Variants in ATP6V1C2 observed in about 807,000 individuals in gnomAD.
ATP6V1C2 encodes ATPase H+ transporting V1 subunit C2.
A neutral mutation model predicts 56.8 loss-of-function variants in ATP6V1C2; 45 were observed. The ratio of observed to expected loss-of-function variants is 0.79; its 90% CI spans 0.62 to 1.02. The LOEUF (loss-of-function observed/expected upper bound fraction) is 1.02, where lower values mean the gene tolerates loss of function less well. ATP6V1C2 is among the 50% of genes least tolerant of loss of function. The pLI is 0.00. For synonymous variants in ATP6V1C2, 220 were observed against 201.3 expected, an observed-to-expected ratio of 1.09 and a Z score of -0.79; for missense variants, 463 against 519.7, an observed-to-expected ratio of 0.89 and a Z score of 1.06.
At chr2:10,747,018 C>G (rs1312626889) in intron 3 of ATP6V1C2, among the ~76,000 whole-genome samples, 1 of 152,182 alleles carries the variant, frequency 6.6e-6, no homozygotes, top group Non-Finnish European at 1.5e-5. Context: ...CCTGCAATCC[C>G]AGCGCTTTGG....
At chr2:10,726,899 C>T (rs1054190650) in intron 3 of ATP6V1C2, among the ~76,000 whole-genome samples, 3 of 152,132 alleles carry the variant, frequency 2.0e-5, no homozygotes, top group African/African-American at 7.2e-5. Context: ...GTAATAAATG[C>T]TCATAGCACA....
intron 3 of ATP6V1C2, among the ~76,000 whole-genome samples, chr2:10,748,050 A>G (rs1483682059): frequency 6.6e-6 from 1 of 152,044 alleles, no homozygotes; most frequent in African/African-American, 2.4e-5. Flanking sequence ...GGCATGCACC[A>G]CTACGCCCGG....
At chr2:10,769,966 G>C (rs1316590193) in intron 6 of ATP6V1C2, 1 of 152,208 alleles carries the variant, frequency 6.6e-6, no homozygotes, top group East Asian at 1.9e-4. Context: ...CCCCCTGATT[G>C]GCCCACTACT....
In ATP6V1C2 at chr2:10,773,359, GT is replaced by G. The variant is rs1399033383; in HGVS notation, c.638+753del. Among the ~76,000 whole-genome samples, 7 of 152,266 alleles carry G rather than the reference GT, an allele frequency of 4.6e-5. No homozygotes were observed. The East Asian group carries it at 1.4e-3, about 29-fold the overall frequency. ...TGGGCTTTCACCTGCTGGAACTTTGGTTTTGGGTGGCTGATCCAAAGCTGCG... is the reference window on the plus strand; with the variant it reads ...TGGGCTTTCACCTGCTGGAACTTTGGTTTGGGTGGCTGATCCAAAGCTGCG... On this transcript the variant is annotated intron_variant, in intron 8 of 13. Transcript: ENST00000272238.
rs1483048042 is a variant in ATP6V1C2, at chr2:10,775,037, T to C, written c.791T>C (p.Met264Thr). 2 of 1,613,942 alleles carry C rather than the reference T, an allele frequency of 1.2e-6. No individual in the cohort carries two copies. Among genetic ancestry groups the C allele is most frequent in the African/African-American group, 1.3e-5 (1 of 74,916 alleles). Residue 264 changes from methionine (M) to threonine (T), a missense_variant, in exon 10 of 14, where the codon ATG (methionine) becomes ACG (threonine). Transcript: ENST00000272238. ...EKEIEREREE[M>T]ARLLSDKKQQ... ...GAAATTGAAAGGGAAAGGGAGGAGA[T>C]GGCCAGATTGCTGTCTGATAAGAAG...
intron 13 of ATP6V1C2, among the ~76,000 whole-genome samples, chr2:10,782,709 T>C (rs1317566878): frequency 6.6e-6 from 1 of 151,934 alleles, no homozygotes; most frequent in Non-Finnish European, 1.5e-5. Context: ...TGTGTGCCTG[T>C]AGTCTCAGCT....
intron 2 of ATP6V1C2, among the ~76,000 whole-genome samples, chr2:10,723,950 T>C (rs1435993589): frequency 6.6e-6 from 1 of 151,584 alleles, no homozygotes; most frequent in Non-Finnish European, 1.5e-5. Flanking sequence ...TTAGTAGAGA[T>C]GGGGTTTCAC....
intron 4 of ATP6V1C2, among the ~76,000 whole-genome samples, chr2:10,761,128 G>T (rs1663881376): frequency 6.6e-6 from 1 of 152,182 alleles, no homozygotes; most frequent in Non-Finnish European, 1.5e-5. Flanking sequence ...GTTGGTCTTT[G>T]CCTGTCCTAC....
intron 3 of ATP6V1C2, among the ~76,000 whole-genome samples, chr2:10,751,087 G>A (rs969329970): frequency 5.9e-5 from 9 of 152,312 alleles, no homozygotes; most frequent in African/African-American, 2.2e-4. Context: ...ATAATTTGAG[G>A]AGAGGCTCAT....
chr2:10,748,962 C>T (rs570843182), intron 3 of ATP6V1C2, among the ~76,000 whole-genome samples: 1 of 151,686 alleles, frequency 6.6e-6, no homozygotes, highest in African/African-American at 2.4e-5. Context: ...CACCCTGTCT[C>T]TACTAAAAAT....
chr2:10,749,150 AGAAT>A (rs1663078497), intron 3 of ATP6V1C2, among the ~76,000 whole-genome samples: 1 of 138,070 alleles, frequency 7.2e-6, no homozygotes, highest in Admixed American at 7.4e-5. Flanking sequence ...AAAAAAAAAA[AGAAT>A]GGAGTCTTCA....
chr2:10,746,787 A>G, intron 3 of ATP6V1C2, among the ~76,000 whole-genome samples: 1 of 152,220 alleles, frequency 6.6e-6, no homozygotes, highest in Non-Finnish European at 1.5e-5. Flanking sequence ...AAATTCATGG[A>G]AATTGCAGGT....
intron 5 of ATP6V1C2, among the ~76,000 whole-genome samples, chr2:10,764,990 G>T (rs948252101): frequency 6.7e-6 from 1 of 149,514 alleles, no homozygotes; most frequent in Non-Finnish European, 1.5e-5. Flanking sequence ...AAAAAAAAAA[G>T]TTACTGATGG....
In ATP6V1C2 at chr2:10,729,343, T is replaced by C. The variant is rs527769902; in HGVS notation, c.197+2774T>C. On this transcript the variant is annotated intron_variant, in intron 3 of 13. Coordinates refer to ENST00000272238, the MANE Select transcript of ATP6V1C2 (RefSeq NM_001039362.2). ...CATGCCTAGCTAATTTTTGTATTTT[T>C]AGTAGAGACGGTGTTTCACCATGTC... Among the ~76,000 whole-genome samples, 3 of 152,098 alleles carry C rather than the reference T, an allele frequency of 2.0e-5. No homozygotes were observed. The South Asian group carries it at 6.2e-4, about 32-fold the overall frequency.
At chr2:10,735,523 G>T (rs1236972134) in intron 3 of ATP6V1C2, among the ~76,000 whole-genome samples, 1 of 151,958 alleles carries the variant, frequency 6.6e-6, no homozygotes, top group African/African-American at 2.4e-5. Context: ...TCTATGCACA[G>T]CTTTGGGCTG....
intron 3 of ATP6V1C2, among the ~76,000 whole-genome samples, chr2:10,732,987 G>A (rs903075312): frequency 3.3e-5 from 5 of 149,720 alleles, no homozygotes; most frequent in African/African-American, 1.2e-4. Context: ...AAAAGAAAAA[G>A]AAATGAAAAT....
intron 8 of ATP6V1C2, among the ~76,000 whole-genome samples, chr2:10,773,339 T>A (rs1664752008): frequency 6.6e-6 from 1 of 152,160 alleles, no homozygotes; most frequent in African/African-American, 2.4e-5. Flanking sequence ...GCATGTGGGC[T>A]TTCACCTGCT....
chr2:10,747,560 T>G (rs1662989666), intron 3 of ATP6V1C2, among the ~76,000 whole-genome samples: 1 of 152,156 alleles, frequency 6.6e-6, no homozygotes, highest in South Asian at 2.1e-4. Flanking sequence ...ACCGCTTGTC[T>G]CAATAGTGTG....
intron 2 of ATP6V1C2, among the ~76,000 whole-genome samples, chr2:10,725,953 C>A (rs1323276627): frequency 6.6e-6 from 1 of 151,916 alleles, no homozygotes; most frequent in Non-Finnish European, 1.5e-5. Context: ...ATGGTGCATA[C>A]CTGTAATCCC....
Sources: allele counts gnomAD v4.1 joint callset (sites outside exome capture counted in the v4.1 genomes callset), GRCh38; gene constraint gnomAD v4.1.1; transcripts MANE v1.5; gene names NCBI Gene and HGNC (gene_info 2026-07-23, HGNC 2026-07-21).